The following PPP2R5A variants were observed in gnomAD, a reference collection of about 807,000 sequenced individuals.
The protein encoded by PPP2R5A is serine/threonine-protein phosphatase 2A 56 kDa regulatory subunit alpha isoform.
PPP2R5A carries 25 observed loss-of-function variants against 64.2 expected under a neutral mutation model. The ratio of observed to expected loss-of-function variants is 0.39; its 90% CI spans 0.28 to 0.54. The LOEUF (loss-of-function observed/expected upper bound fraction) is 0.54. Among genes scored for constraint, PPP2R5A ranks in the 20% least tolerant of loss-of-function variants. The probability of loss-of-function intolerance (pLI) is 0.67; values close to 1 mark genes in which losing one functional copy is unlikely to be tolerated. For missense variants in PPP2R5A, 425 were observed against 576.3 expected (o/e 0.74, Z 2.69); for synonymous variants, 198 against 201.2 (o/e 0.98, Z 0.13).
At chr1:212,357,307 G>T (rs111804828) in intron 11 of PPP2R5A, 23 bp downstream of exon 11, 13 of 1,472,114 alleles carry the variant, frequency 8.8e-6, no homozygotes, top group East Asian at 5.1e-5. Flanking sequence ...TATATAGGTC[G>T]TATTTTTTTC....
intron 11 of PPP2R5A, chr1:212,357,872 C>A (rs1660010421): frequency 6.6e-6 from 1 of 152,144 alleles, no homozygotes; most frequent in Non-Finnish European, 1.5e-5. Context: ...TCATACCTCA[C>A]CGTAGCCTCA....
At chr1:212,320,278 A>G (rs1469345807) in intron 1 of PPP2R5A, among the ~76,000 whole-genome samples, 3 of 152,202 alleles carry the variant, frequency 2.0e-5, no homozygotes, top group East Asian at 1.9e-4. Context: ...TCACAGATCA[A>G]CGGGATCCCA....
intron 2 of PPP2R5A, chr1:212,331,758 A>G (rs1318236877): frequency 6.6e-6 from 1 of 152,180 alleles, no homozygotes; most frequent in Non-Finnish European, 1.5e-5. Flanking sequence ...CAAATTTGCT[A>G]TATACTAATA....
intron 5 of PPP2R5A, among the ~76,000 whole-genome samples, chr1:212,346,885 T>G (rs1659784780): frequency 6.6e-6 from 1 of 152,194 alleles, no homozygotes; most frequent in South Asian, 2.1e-4. Context: ...CCTATTATAT[T>G]TATGTCTCCC....
Position 212,322,546 on chromosome 1 carries a change from A to G in PPP2R5A, c.182-6589A>G, listed in dbSNP as rs189177295. Reference sequence around the variant, plus strand: ...ACTACTATAAAAATGTTTTTGACCTATATAAAAATGTTGCATGTCTTGAAC... The same window carrying G: ...ACTACTATAAAAATGTTTTTGACCTGTATAAAAATGTTGCATGTCTTGAAC... On this transcript the variant is annotated intron_variant, in intron 1 of 12. Transcript: ENST00000261461. Among the ~76,000 whole-genome samples, 68 of 152,204 alleles carry G rather than the reference A, an allele frequency of 4.5e-4. 2 individuals carry two copies. Among genetic ancestry groups the G allele is most frequent in the Admixed American group, 3.8e-3 (58 of 15,292 alleles).
chr1:212,345,987 T>C (rs1407888102), intron 5 of PPP2R5A, 54 bp downstream of exon 5: 8 of 1,489,858 alleles, frequency 5.4e-6, no homozygotes, highest in Non-Finnish European at 7.3e-6. Context: ...TATCTTCTTG[T>C]ATTCAAGTTC....
At chr1:212,345,386 T>C (rs1298908984) in intron 4 of PPP2R5A, among the ~76,000 whole-genome samples, 1 of 152,214 alleles carries the variant, frequency 6.6e-6, no homozygotes, top group African/African-American at 2.4e-5. Context: ...CATTTACACA[T>C]GGATCTTTTT....
intron 1 of PPP2R5A, among the ~76,000 whole-genome samples, chr1:212,292,156 A>G (rs1658612091): frequency 6.6e-6 from 1 of 152,198 alleles, no homozygotes; most frequent in Non-Finnish European, 1.5e-5. Flanking sequence ...TCTATCATCT[A>G]ACTTAATCTT....
At chr1:212,293,893 T>C (rs1658647030) in intron 1 of PPP2R5A, among the ~76,000 whole-genome samples, 1 of 152,190 alleles carries the variant, frequency 6.6e-6, no homozygotes, top group Non-Finnish European at 1.5e-5. Flanking sequence ...TGGGAATTGA[T>C]TTCACTCTTG....
At position 212,327,959 on chromosome 1, in the gene PPP2R5A, C is replaced by T. The variant is rs541457519; in HGVS notation, c.182-1176C>T. On this transcript the variant is annotated intron_variant, in intron 1 of 12. Coordinates refer to ENST00000261461, the MANE Select transcript of PPP2R5A (RefSeq NM_006243.4). ...CCTCTGGAGTAGCTGGGATTACAGG[C>T]ATGCGCCACCATGCCCGGATAATTT... Among the ~76,000 whole-genome samples, 5 of 152,340 alleles carry T rather than the reference C, an allele frequency of 3.3e-5. No individual in the cohort carries two copies. In the East Asian group the frequency reaches 7.7e-4, roughly 24 times the overall value.
chr1:212,319,096 CAG>C (rs1659211704), intron 1 of PPP2R5A, among the ~76,000 whole-genome samples: 1 of 152,166 alleles, frequency 6.6e-6, no homozygotes, highest in African/African-American at 2.4e-5. Context: ...CCATTTGAAA[CAG>C]ATATATGTCA....
chr1:212,354,888 C>A (rs1659951865), intron 8 of PPP2R5A, among the ~76,000 whole-genome samples: 1 of 152,214 alleles, frequency 6.6e-6, no homozygotes, highest in African/African-American at 2.4e-5. Flanking sequence ...CAAGAACATC[C>A]TGTACAGGTT....
rs935428170 is a variant in PPP2R5A, at chr1:212,329,224, T to C, written c.271T>C (p.Leu91=). 5 of 1,613,646 alleles carry C rather than the reference T, an allele frequency of 3.1e-6. No homozygotes were observed. Among genetic ancestry groups the C allele is most frequent in the Non-Finnish European group, 2.5e-6 (3 of 1,179,802 alleles). ...TGATTTCATGGACTCTGTTTCAGAC[T>C]TGAAGAGCAAAGAAATTAAAAGAGC... The part of the protein sequence containing the change: ...LFDFMDSVSD[L]KSKEIKRATL... Residue 91 remains leucine (L), a synonymous_variant, in exon 2 of 13, where the codon TTG becomes CTG. Coordinates refer to ENST00000261461, the MANE Select transcript of PPP2R5A (RefSeq NM_006243.4).
chr1:212,297,289 T>A (rs1658715638), intron 1 of PPP2R5A, among the ~76,000 whole-genome samples: 2 of 151,818 alleles, frequency 1.3e-5, no homozygotes, highest in African/African-American at 2.4e-5. Context: ...TTATTTTTTT[T>A]ATTTTTAGTA....
intron 1 of PPP2R5A, chr1:212,319,618 CTTT>C (rs11417541): frequency 3.2e-5 from 4 of 126,968 alleles, no homozygotes; most frequent in Non-Finnish European, 4.7e-5. Flanking sequence ...GTTTTCTTTT[CTTT>C]TTTTTTTTTT....
chr1:212,290,806 T>G (rs1045745883), intron 1 of PPP2R5A, among the ~76,000 whole-genome samples: 3 of 152,216 alleles, frequency 2.0e-5, no homozygotes, highest in African/African-American at 7.2e-5. Context: ...AAACAGTAGA[T>G]TTAAATTGTC....
intron 1 of PPP2R5A, among the ~76,000 whole-genome samples, chr1:212,292,454 T>G (rs1325726254): frequency 6.6e-6 from 1 of 151,082 alleles, no homozygotes; most frequent in Non-Finnish European, 1.5e-5. Flanking sequence ...AGTCAGTGTT[T>G]TGATGAAGAA....
At chr1:212,332,031 A>G (rs910602043) in intron 2 of PPP2R5A, among the ~76,000 whole-genome samples, 7 of 152,188 alleles carry the variant, frequency 4.6e-5, no homozygotes, top group African/African-American at 1.4e-4. Context: ...ACTACTGACA[A>G]TAATAAGTAT....
intron 1 of PPP2R5A, 24 bp downstream of exon 1, chr1:212,286,315 A>C: frequency 6.8e-7 from 1 of 1,467,752 alleles, no homozygotes; most frequent in Non-Finnish European, 9.0e-7. Context: ...GCGCAGCCCC[A>C]GCAGCGAGCG....
Sources: allele counts gnomAD v4.1 joint callset (sites outside exome capture counted in the v4.1 genomes callset), GRCh38; gene constraint gnomAD v4.1.1; transcripts MANE v1.5; gene names NCBI Gene and HGNC (gene_info 2026-07-23, HGNC 2026-07-21).